SSBP3: variants seen among roughly 807,000 people sequenced by gnomAD.
SSBP3 encodes the protein single-stranded DNA-binding protein 3.
A neutral mutation model predicts 69.6 loss-of-function variants in SSBP3; 5 were observed. That is an observed-to-expected ratio of 0.07 (90% CI 0.04 to 0.15). SSBP3 has a LOEUF of 0.15. SSBP3 is among the 10% of genes least tolerant of loss of function. The pLI is 1.00. For synonymous variants in SSBP3, 196 were observed against 193.4 expected (o/e 1.01, Z -0.11); for missense variants, 312 against 534.0 (o/e 0.58, Z 4.10).
exon 4 of SSBP3, chr1:54,401,893 G>A: frequency 6.2e-7 from 1 of 1,614,048 alleles, no homozygotes; most frequent in Non-Finnish European, 8.5e-7. Flanking sequence ...TCACTTGAAT[G>A]TTCACAAGTG....
chr1:54,395,156 ACTC>A (rs1648776885), intron 4 of SSBP3, among the ~76,000 whole-genome samples: 1 of 151,858 alleles, frequency 6.6e-6, no homozygotes, highest in African/African-American at 2.4e-5. Flanking sequence ...ACAGTGCAAG[ACTC>A]CTCATTTCAT....
rs1553137520 is a variant in SSBP3, at chr1:54,316,654, A to AAAAAAAAAT, written c.277-35128_277-35127insATTTTTTTT. Reference sequence around the variant, plus strand: ...CAGAGCGAGACTCCGTCTCAAAAAAAAAAAATAAAATAAATAAATAAATAA... The same window carrying AAAAAAAAAT: ...CAGAGCGAGACTCCGTCTCAAAAAAAAAAAAAAATAAAAATAAAATAAATAAATAAATAA... On this transcript the variant is annotated intron_variant, in intron 4 of 17. Coordinates refer to ENST00000610401, the Ensembl canonical transcript of SSBP3. Among the ~76,000 whole-genome samples the AAAAAAAAAT allele has an allele frequency of 8.4e-4, 61 of 72,878 alleles. 2 individuals carry two copies. Among genetic ancestry groups the AAAAAAAAAT allele is most frequent in the African/African-American group, 6.2e-3 (57 of 9,216 alleles). The allele number at this position is 72,878 out of a possible 152,430, so 47.8% of individuals were successfully genotyped here.
chr1:54,395,472 G>A (rs140535209), intron 4 of SSBP3, among the ~76,000 whole-genome samples: 13 of 152,332 alleles, frequency 8.5e-5, no homozygotes, highest in Admixed American at 3.9e-4. Context: ...CAGATAAGGT[G>A]CACAGACATC....
chr1:54,260,163 A>G (rs529005881), intron 5 of SSBP3, among the ~76,000 whole-genome samples: 7 of 152,340 alleles, frequency 4.6e-5, no homozygotes, highest in African/African-American at 1.7e-4. Context: ...AATGTAAACA[A>G]AACAAGATAA....
intron 5 of SSBP3, among the ~76,000 whole-genome samples, chr1:54,271,695 C>T (rs1645196985): frequency 6.6e-6 from 1 of 152,200 alleles, no homozygotes; most frequent in African/African-American, 2.4e-5. Flanking sequence ...CCCTCTACCC[C>T]ACCATGTCCC....
intron 4 of SSBP3, among the ~76,000 whole-genome samples, chr1:54,352,683 C>G (rs887524028): frequency 1.3e-5 from 2 of 152,218 alleles, no homozygotes; most frequent in Non-Finnish European, 2.9e-5. Context: ...TGCCGTTTGA[C>G]CATGCGAGCA....
At chr1:54,274,974 G>T (rs1645257944) in intron 5 of SSBP3, among the ~76,000 whole-genome samples, 3 of 151,786 alleles carry the variant, frequency 2.0e-5, no homozygotes, top group African/African-American at 7.3e-5. Context: ...CAGCCCAAAT[G>T]TCACCCCCTC....
chr1:54,310,316 C>T (rs1645977701), intron 4 of SSBP3, among the ~76,000 whole-genome samples: 1 of 152,106 alleles, frequency 6.6e-6, no homozygotes. Flanking sequence ...TAGCATTTTT[C>T]ACAGGAGGAG....
rs1201168170 is a variant in SSBP3 at position 54,404,947 on chromosome 1, G to A, written c.57-17C>T. ...AAAGCTAACCTGGAAAGTGGACAGG[G>A]GGCAAAGAGAGAGAGGGAAAGGCGT... On this transcript the variant is annotated splice_polypyrimidine_tract_variant and intron_variant, in intron 1 of 17. Transcript: ENST00000610401. 18 of 1,609,830 alleles carry A rather than the reference G, an allele frequency of 1.1e-5. No homozygotes were observed. Among genetic ancestry groups the A allele is most frequent in the African/African-American group, 4.0e-5 (3 of 74,940 alleles).
chr1:54,382,339 T>C (rs1440211777), intron 4 of SSBP3, among the ~76,000 whole-genome samples: 3 of 152,212 alleles, frequency 2.0e-5, no homozygotes, highest in Admixed American at 2.0e-4. Flanking sequence ...CCTCCCAAAG[T>C]GCTAGAATTA....
upstream of SSBP3, among the ~76,000 whole-genome samples, chr1:54,411,202 A>G (rs4926632): frequency 0.47 from 71,445 of 152,032 alleles, 18,191 homozygotes; most frequent in Admixed American, 0.59. Context: ...CATTTGAGCT[A>G]GGCACGGTGG....
At chr1:54,329,502 C>T (rs1646369662) in intron 4 of SSBP3, among the ~76,000 whole-genome samples, 1 of 152,214 alleles carries the variant, frequency 6.6e-6, no homozygotes, top group Admixed American at 6.5e-5. Context: ...GGCAGGATGG[C>T]CTGCCAGGCT....
intron 4 of SSBP3, among the ~76,000 whole-genome samples, chr1:54,325,961 A>AC (rs1646294432): frequency 1.1e-5 from 1 of 88,302 alleles, no homozygotes; most frequent in African/African-American, 4.4e-5. Flanking sequence ...CCCCCCCGCC[A>AC]CCCCCCACCC....
At chr1:54,325,469 C>T (rs1445365345) in intron 4 of SSBP3, 3 of 167,154 alleles carry the variant, frequency 1.8e-5, no homozygotes, top group Non-Finnish European at 4.4e-5. Flanking sequence ...AAAGGTCAGA[C>T]ATGCCATACC....
chr1:54,262,997 G>A (rs192806198), intron 5 of SSBP3, among the ~76,000 whole-genome samples: 315 of 152,248 alleles, frequency 2.1e-3, no homozygotes, highest in Non-Finnish European at 4.1e-3. Flanking sequence ...ACTAACTCCC[G>A]CAGTTTCTTG....
At chr1:54,317,264 G>A (rs192133826) in intron 4 of SSBP3, among the ~76,000 whole-genome samples, 11 of 152,278 alleles carry the variant, frequency 7.2e-5, no homozygotes, top group Admixed American at 6.5e-4. Flanking sequence ...TCGGCCAACC[G>A]TGGTGACTCA....
At chr1:54,248,661 G>C (rs1431298726) in intron 9 of SSBP3, among the ~76,000 whole-genome samples, 1 of 152,144 alleles carries the variant, frequency 6.6e-6, no homozygotes, top group Non-Finnish European at 1.5e-5. Context: ...TGAGCCCGTA[G>C]GTGACCACAG....
chr1:54,263,357 C>T (rs1358059730), intron 5 of SSBP3, among the ~76,000 whole-genome samples: 1 of 152,182 alleles, frequency 6.6e-6, no homozygotes, highest in Admixed American at 6.5e-5. Flanking sequence ...ACAGGAAGCG[C>T]CCACATTATG....
intron 4 of SSBP3, among the ~76,000 whole-genome samples, chr1:54,334,547 C>T (rs775583167): frequency 9.9e-5 from 15 of 152,064 alleles, no homozygotes; most frequent in Non-Finnish European, 1.9e-4. Context: ...CAGTTGGTCC[C>T]GCCACTTTCT....
Sources: gnomAD v4.1 joint callset for allele counts (sites outside exome capture counted in the v4.1 genomes callset) on GRCh38, gnomAD v4.1.1 for gene constraint, MANE v1.5 for transcripts, NCBI Gene and HGNC (gene_info 2026-07-23, HGNC 2026-07-21) for gene names.